LPA: variants seen among roughly 807,000 people sequenced by gnomAD.
The protein encoded by LPA is lipoprotein(a).
Under a neutral mutation model 197.9 loss-of-function variants are expected in LPA, and 199 were observed. The observed-to-expected ratio is 1.01, with a 90% CI of 0.90 to 1.13. The LOEUF (loss-of-function observed/expected upper bound fraction) is 1.13, where lower values mean the gene tolerates loss of function less well. LPA is among the 50% of genes most tolerant of loss of function. The probability of loss-of-function intolerance (pLI) is 0.00; values close to 1 mark genes in which losing one functional copy is unlikely to be tolerated. For synonymous variants in LPA, 715 were observed against 639.5 expected (o/e 1.12, Z -1.78); for missense variants, 1,853 against 1,785.8 (o/e 1.04, Z -0.68).
rs1280709703 is a variant in LPA, at chr6:160,531,644, GCTGT to G, written c.*81_*84del. On this transcript the variant is annotated 3_prime_UTR_variant, in exon 39 of 39. Transcript: ENST00000316300. The stretch of plus-strand genomic sequence containing the variant: ...CTGGGAACAGTGTCTTCGTTTGATT[GCTGT>G]CTATTATTTCCAGCATGCTAAATCC... 8.4e-6 allele frequency: 13 copies of G among 1,551,608 alleles called. No individual in the cohort carries two copies. In the African/African-American group the frequency reaches 1.4e-4, roughly 16 times the overall value.
intron 2 of LPA, among the ~76,000 whole-genome samples, chr6:160,649,768 A>G (rs1341018764): frequency 2.6e-5 from 4 of 151,898 alleles, no homozygotes; most frequent in Non-Finnish European, 4.4e-5. Flanking sequence ...CGCACTTTTT[A>G]TTGTTTAGCA....
rs370228332 is a variant in LPA, at chr6:160,650,447, G to T, written c.100C>A (p.Gln34Lys). ...GTGGAGTACGTGCCTCGATAACTCTGTCCATCACCATGGTAGCAATCCTGG... is the reference window on the plus strand; with the variant it reads ...GTGGAGTACGTGCCTCGATAACTCTTTCCATCACCATGGTAGCAATCCTGG... ...VVQDCYHGDG[Q>K]SYRGTYSTTV... is the part of the protein sequence containing the mutation. The change falls in exon 2 of 39, where the codon CAG (glutamine) becomes AAG (lysine). Residue 34 changes from glutamine to lysine, a missense_variant. Gln to Lys is a moderately conservative substitution (Grantham distance 53). Transcript: ENST00000316300. 9 of 1,613,704 alleles carry T rather than the reference G, an allele frequency of 5.6e-6. No homozygotes were observed. The African/African-American group carries it at 1.1e-4, about 19-fold the overall frequency.
intron 1 of LPA, among the ~76,000 whole-genome samples, chr6:160,653,641 A>C (rs1780045149): frequency 6.6e-6 from 1 of 151,842 alleles, no homozygotes; most frequent in South Asian, 2.1e-4. Flanking sequence ...CAATTCCAAA[A>C]GATAAAAGAG....
chr6:160,607,341 C>A (rs1779377661), intron 16 of LPA, among the ~76,000 whole-genome samples: 1 of 152,168 alleles, frequency 6.6e-6, no homozygotes, highest in South Asian at 2.1e-4. Context: ...AATGCAGCAT[C>A]TCTAGAATGG....
At chr6:160,610,545 G>A (rs76249505) in intron 16 of LPA, among the ~76,000 whole-genome samples, 14,664 of 152,234 alleles carry the variant, frequency 0.096, 848 homozygotes, top group Non-Finnish European at 0.14. Flanking sequence ...CTCAGTAAAT[G>A]TTCTTTGCCA....
intron 28 of LPA, among the ~76,000 whole-genome samples, chr6:160,559,899 T>C (rs901034594): frequency 1.1e-4 from 17 of 152,332 alleles, no homozygotes; most frequent in Non-Finnish European, 2.1e-4. Flanking sequence ...CAGCAACCCA[T>C]CATCTACATT....
chr6:160,626,143 G>C (rs1779640146), intron 10 of LPA, among the ~76,000 whole-genome samples: 1 of 109,066 alleles, frequency 9.2e-6, no homozygotes, highest in Non-Finnish European at 1.8e-5. Flanking sequence ...CATCATACAG[G>C]TTGGGTTTTT....
chr6:160,548,460 A>G lies in LPA; in HGVS notation c.5155+18T>C, dbSNP rs752045505. 6.2e-6 allele frequency: 10 copies of G among 1,612,922 alleles called. No individual in the cohort carries two copies. In the Admixed American group the frequency reaches 6.7e-5, roughly 11 times the overall value. On this transcript the variant is annotated intron_variant, in intron 31 of 38. Transcript: ENST00000316300. Reference sequence around the variant, plus strand: ...TAGAGAGGTATGTGCTAGACAAGGTAAGACACAGACTTCTTACCTTGTTCA... The same window carrying G: ...TAGAGAGGTATGTGCTAGACAAGGTGAGACACAGACTTCTTACCTTGTTCA...
In LPA at chr6:160,548,495, C is replaced by G; in HGVS notation, c.5138G>C (p.Gly1713Ala). The change falls in exon 31 of 39, where the codon GGG becomes GCG. Residue 1713 changes from glycine to alanine, a missense_variant. This residue lies in a region of LPA where 1,737 missense variants were observed against 1,504.4 expected (regional missense o/e 1.15). Coordinates refer to ENST00000316300, the MANE Select transcript of LPA (RefSeq NM_005577.4). ...PPTVIQVPSL[G>A]PPSEQDCMFG... ...CTTCTTACCTTGTTCAGAAGGAGGC[C>G]CTAGGCTTGGAACCTGGATGACAGT... 6.2e-7 allele frequency: 1 copy of G among 1,613,960 alleles called. No homozygotes were observed.
intron 16 of LPA, among the ~76,000 whole-genome samples, chr6:160,610,049 G>C (rs1262785468): frequency 6.6e-6 from 1 of 151,868 alleles, no homozygotes; most frequent in Non-Finnish European, 1.5e-5. Flanking sequence ...TTAAATATCT[G>C]AAATCAGTTA....
intron 1 of LPA, among the ~76,000 whole-genome samples, chr6:160,653,035 C>T (rs558299885): frequency 3.3e-5 from 5 of 152,026 alleles, no homozygotes; most frequent in East Asian, 1.9e-4. Flanking sequence ...AAATTTAATC[C>T]TATTAACAAC....
At chr6:160,647,694 C>G (rs916231999) in intron 2 of LPA, among the ~76,000 whole-genome samples, 8 of 152,192 alleles carry the variant, frequency 5.3e-5, no homozygotes, top group African/African-American at 1.9e-4. Context: ...ATTAGTATTA[C>G]ATACTATCGT....
rs957494982 is a variant in LPA, at chr6:160,557,412, G to A, written c.4791C>T (p.Ser1597=). The change falls in exon 29 of 39, where the codon AGC becomes AGT. Residue 1597 remains serine, a synonymous_variant. Transcript: ENST00000316300. Reference sequence around the variant, plus strand: ...TACCTGCTTCAGAATGAGCCTCCATGCTTGGAACTGGAACAACAGTGGGAG... The same window carrying A: ...TACCTGCTTCAGAATGAGCCTCCATACTTGGAACTGGAACAACAGTGGGAG... ...LETPTVVPVP[S]MEAHSEAAPT... is the part of the protein sequence containing the mutation. 1.2e-6 allele frequency: 2 copies of A among 1,614,124 alleles called. No homozygotes were observed. The highest frequency in any genetic ancestry group is 1.1e-5 in the South Asian group (1 of 91,082).
intron 18 of LPA, among the ~76,000 whole-genome samples, chr6:160,603,557 T>C (rs1034617682): frequency 6.6e-6 from 1 of 152,208 alleles, no homozygotes; most frequent in Non-Finnish European, 1.5e-5. Flanking sequence ...GACATATTGA[T>C]ATGTCAAATT....
chr6:160,646,885 A>G (rs1201498592), intron 2 of LPA, among the ~76,000 whole-genome samples: 2 of 151,560 alleles, frequency 1.3e-5, no homozygotes, highest in African/African-American at 2.4e-5. Flanking sequence ...CATGGCATCA[A>G]GGAGGATAAC....
intron 1 of LPA, among the ~76,000 whole-genome samples, chr6:160,661,527 G>A (rs1780226853): frequency 6.6e-6 from 1 of 152,212 alleles, no homozygotes; most frequent in Non-Finnish European, 1.5e-5. Flanking sequence ...CATGAGGGCA[G>A]GGCAAGGAGG....
At chr6:160,568,000 T>C (rs1778490277) in intron 28 of LPA, among the ~76,000 whole-genome samples, 1 of 152,160 alleles carries the variant, frequency 6.6e-6, no homozygotes, top group South Asian at 2.1e-4. Context: ...GAGGCAATAA[T>C]TAAGAGCCTA....
intron 17 of LPA, 86 bp from the exon 18 acceptor site, chr6:160,605,291 A>C: frequency 3.3e-6 from 5 of 1,497,036 alleles, no homozygotes; most frequent in Non-Finnish European, 4.6e-6. Flanking sequence ...ACCAGAAAAA[A>C]GTCTCTGAGA....
chr6:160,661,363 T>C (rs1780223719), intron 1 of LPA, among the ~76,000 whole-genome samples: 1 of 152,144 alleles, frequency 6.6e-6, no homozygotes, highest in Non-Finnish European at 1.5e-5. Context: ...GCAGCGAGAC[T>C]TCTAGGGAAT....
Sources: allele counts gnomAD v4.1 joint callset (sites outside exome capture counted in the v4.1 genomes callset), GRCh38; gene constraint gnomAD v4.1.1; regional missense constraint gnomAD v4.1.1; transcripts MANE v1.5; gene names NCBI Gene and HGNC (gene_info 2026-07-23, HGNC 2026-07-21).